Variants in DNAAF3 observed in about 807,000 individuals in gnomAD.
The protein encoded by DNAAF3 is UPF0470 protein C19orf51.
DNAAF3 carries 40 observed loss-of-function variants against 50.9 expected under a neutral mutation model. The observed-to-expected ratio is 0.79, with a 90% CI of 0.61 to 1.02. The LOEUF is 1.02. Ranked by LOEUF, DNAAF3 falls within the 50% of genes least tolerant of loss-of-function variation. DNAAF3 has a pLI of 0.00. For synonymous variants in DNAAF3, 327 were observed against 322.8 expected (o/e 1.01, Z -0.14); for missense variants, 763 against 744.7 (o/e 1.02, Z -0.29).
At chr19:55,165,558 C>G in intron 3 of DNAAF3, 95 bp from the exon 4 acceptor site, 16 of 1,232,640 alleles carry the variant, frequency 1.3e-5, no homozygotes, top group Non-Finnish European at 1.9e-5. Flanking sequence ...TCCTTCCACA[C>G]ACCCGAGTTC....
intron 10 of DNAAF3, 87 bp from the exon 11 acceptor site, chr19:55,159,694 A>T: frequency 6.3e-7 from 1 of 1,590,754 alleles, no homozygotes; most frequent in East Asian, 2.2e-5. Context: ...ATGAGGGAGG[A>T]GGGGTGGCAA....
chr19:55,161,545 G>A lies in DNAAF3; in HGVS notation c.663+98C>T. ...TCCTCCCTCAGACCCAGGAGTTCAGGCCCCCAAACCCTCCTCCCTCAGACT... is the reference window on the plus strand; with the variant it reads ...TCCTCCCTCAGACCCAGGAGTTCAGACCCCCAAACCCTCCTCCCTCAGACT... On this transcript the variant is annotated intron_variant, in intron 6 of 11. Coordinates refer to ENST00000524407, the MANE Select transcript of DNAAF3 (RefSeq NM_001256715.2). The surrounding 1 kb of genome is among the most constrained non-coding windows in gnomAD (Gnocchi z 6.4). The A allele has an allele frequency of 6.1e-6, 9 of 1,470,424 alleles. No homozygotes were observed. Among genetic ancestry groups the A allele is most frequent in the East Asian group, 2.4e-5 (1 of 41,654 alleles). 91.1% of individuals were successfully genotyped at this position (1,470,424 alleles called of 1,614,324 possible).
chr19:55,161,051 GC>G lies in DNAAF3; in HGVS notation c.912+13del. On this transcript the variant is annotated intron_variant, in intron 8 of 11. Transcript: ENST00000524407. The surrounding 1 kb of genome is among the most constrained non-coding windows in gnomAD (Gnocchi z 6.4). ...AGCCCCACCTCTACCCCCAGTCCCA[GC>G]CTCGCCGCGCACCTTGACTGGCTGG... is the stretch of plus-strand genomic sequence containing the variant. 1 of 1,535,068 alleles carries G rather than the reference GC, an allele frequency of 6.5e-7. No individual in the cohort carries two copies.
chr19:55,161,314 C>T lies in DNAAF3; in HGVS notation c.768G>A (p.Ala256=). ...GCACGTAGCTCAGGAGGCGACCGGACGCCAGGGTCCGGTTGGGCACATGAT... is the reference window on the plus strand; with the variant it reads ...GCACGTAGCTCAGGAGGCGACCGGATGCCAGGGTCCGGTTGGGCACATGAT... ...SAYHVPNRTL[A]SGRLLSYRGE... The change falls in exon 7 of 12, where the codon GCG becomes GCA. Residue 256 remains alanine, a synonymous_variant. Transcript: ENST00000524407. This position sits in a 1 kb window ranked among gnomAD's most constrained non-coding sequence, Gnocchi z 6.4. 1 of 1,610,398 alleles carries T rather than the reference C, an allele frequency of 6.2e-7. No individual in the cohort carries two copies. The highest frequency in any genetic ancestry group is 1.1e-5 in the South Asian group (1 of 90,772).
In DNAAF3 at chr19:55,166,457, C is replaced by T; in HGVS notation, c.-4-40G>A. 2 of 1,613,074 alleles carry T rather than the reference C, an allele frequency of 1.2e-6. No individual in the cohort carries two copies. Among genetic ancestry groups the T allele is most frequent in the African/African-American group, 1.3e-5 (1 of 75,012 alleles). ...TTCTGGGAATCGCACACATTGCCCG[C>T]CCCGCTCCCCTCTCACCGCCCCTCA... On this transcript the variant is annotated intron_variant, in intron 1 of 11. Transcript: ENST00000524407. The surrounding 1 kb of genome is among the most constrained non-coding windows in gnomAD (Gnocchi z 4.0).
Position 55,166,587 on chromosome 19 carries a change from G to C in DNAAF3, c.-69C>G, listed in dbSNP as rs772986651. ...GCTCAGTGCAGCACTGTGGACCCGC[G>C]GCACTCCACAACCGCTGCCCAGAGT... On this transcript the variant is annotated 5_prime_UTR_variant, in exon 1 of 12. Transcript: ENST00000524407. This position sits in a 1 kb window ranked among gnomAD's most constrained non-coding sequence, Gnocchi z 4.0. 8 of 1,614,148 alleles carry C rather than the reference G, an allele frequency of 5.0e-6. No homozygotes were observed. The highest frequency in any genetic ancestry group is 2.2e-5 in the East Asian group (1 of 44,884).
At chr19:55,165,019 C>CTT (rs1375555786) in intron 4 of DNAAF3, among the ~76,000 whole-genome samples, 1 of 126,926 alleles carries the variant, frequency 7.9e-6, no homozygotes, top group Non-Finnish European at 1.6e-5. Context: ...GAGTTTCGCT[C>CTT]TCTTTTTTTT....
chr19:55,165,899 T>C lies in DNAAF3; in HGVS notation c.187A>G (p.Thr63Ala). ...GSVDGRHLLR[T>A]LSRAKFWPRR... ...GGCCAGAACTTCGCTCGGGACAGGG[T>C]CCGCAGCAGGTGCCGTCCATCCACA... The change falls in exon 3 of 12, where the codon ACC becomes GCC. Residue 63 changes from threonine to alanine, a missense_variant. Physicochemically the swap from Thr to Ala is moderately conservative, Grantham distance 58. Transcript: ENST00000524407. 1 of 1,614,072 alleles carries C rather than the reference T, an allele frequency of 6.2e-7. No homozygotes were observed. Among genetic ancestry groups the C allele is most frequent in the South Asian group, 1.1e-5 (1 of 91,078 alleles).
Position 55,163,155 on chromosome 19 carries a change from G to A in DNAAF3, c.323-865C>T, listed in dbSNP as rs2085872818. 3.3e-5 allele frequency among the ~76,000 whole-genome samples: 5 copies of A among 151,212 alleles called. No individual in the cohort carries two copies. The South Asian group carries it at 8.3e-4, about 25-fold the overall frequency. ...CTCCGGAGTAGCTGGGACTACAAGCGCCCGCCACCACACCCGGCTAATTTT... is the reference window on the plus strand; with the variant it reads ...CTCCGGAGTAGCTGGGACTACAAGCACCCGCCACCACACCCGGCTAATTTT... On this transcript the variant is annotated intron_variant, in intron 4 of 11. Transcript: ENST00000524407.
chr19:55,165,765 C>T, intron 3 of DNAAF3, 93 bp downstream of exon 3: 2 of 1,536,818 alleles, frequency 1.3e-6, no homozygotes, highest in East Asian at 2.4e-5. Context: ...GAGTCTCCAG[C>T]CCCTTCATTC....
chr19:55,165,267 A>G, intron 4 of DNAAF3, 103 bp downstream of exon 4: 2 of 1,170,166 alleles, frequency 1.7e-6, no homozygotes, highest in East Asian at 2.4e-5. Context: ...TCCGCCTCCC[A>G]GGAAAATAAC....
At position 55,165,858 on chromosome 19, in the gene DNAAF3, G is replaced by A. The variant is rs563713249; in HGVS notation, c.228C>T (p.Asn76=). ...RAKFWPRRRF[N]FFVLENNLEA... ...GGCTCTCATCTTCATCCCAGCTCACGTTGAACCTCCTGCGAGGCCAGAACT... is the reference window on the plus strand; with the variant it reads ...GGCTCTCATCTTCATCCCAGCTCACATTGAACCTCCTGCGAGGCCAGAACT... The change falls in exon 3 of 12, where the codon AAC becomes AAT. Residue 76 remains asparagine (N), a splice_region_variant and synonymous_variant. Transcript: ENST00000524407. 10 of 1,613,844 alleles carry A rather than the reference G, an allele frequency of 6.2e-6. No individual in the cohort carries two copies. The highest frequency in any genetic ancestry group is 2.2e-5 in the East Asian group (1 of 44,876).
chr19:55,166,679 A>G (rs373578909), upstream of DNAAF3: 371 of 1,596,608 alleles, frequency 2.3e-4, 2 homozygotes, highest in Middle Eastern at 8.8e-3. This position sits in a 1 kb window ranked among gnomAD's most constrained non-coding sequence, Gnocchi z 4.0. Flanking sequence ...GCAACTGACC[A>G]ATGAGAGTGA....
chr19:55,165,759 C>T, intron 3 of DNAAF3, 99 bp downstream of exon 3: 1 of 1,532,236 alleles, frequency 6.5e-7, no homozygotes, highest in Non-Finnish European at 8.8e-7. Context: ...ATCTAGGAGT[C>T]TCCAGCCCCT....
In DNAAF3 at chr19:55,160,539, C is replaced by T. The variant is rs1412446154; in HGVS notation, c.1048+101G>A. On this transcript the variant is annotated intron_variant, in intron 9 of 11. Coordinates refer to ENST00000524407, the MANE Select transcript of DNAAF3 (RefSeq NM_001256715.2). This position sits in a 1 kb window ranked among gnomAD's most constrained non-coding sequence, Gnocchi z 4.7. ...AAAAAGAGACAGAATATCAAGAAGCCGTCACTTGCCCAGGCATTCCAAATC... is the reference window on the plus strand; with the variant it reads ...AAAAAGAGACAGAATATCAAGAAGCTGTCACTTGCCCAGGCATTCCAAATC... The T allele has an allele frequency of 2.6e-6, 4 of 1,562,870 alleles. No homozygotes were observed. The highest frequency in any genetic ancestry group is 2.0e-5 in the Admixed American group (1 of 50,140).
In DNAAF3 at chr19:55,161,093, A is replaced by G; in HGVS notation, c.884T>C (p.Leu295Pro). The G allele has an allele frequency of 1.9e-6, 3 of 1,543,084 alleles. No individual in the cohort carries two copies. Among genetic ancestry groups the G allele is most frequent in the Non-Finnish European group, 2.6e-6 (3 of 1,146,306 alleles). The change falls in exon 8 of 12, where the codon CTG becomes CCG. Residue 295 changes from leucine (L) to proline (P), a missense_variant. By Grantham distance (98) the Leu-to-Pro change is moderately conservative. Transcript: ENST00000524407. This position sits in a 1 kb window ranked among gnomAD's most constrained non-coding sequence, Gnocchi z 6.4. Reference protein sequence around the residue: ...FGIEADDESLLRTSNGQPVKT... With the variant: ...FGIEADDESLPRTSNGQPVKT... ...GACTGGCTGGCCGTTGCTCGTCCGC[A>G]GGAGGCTCTCGTCGTCCGCTTCGAT...
At position 55,161,416 on chromosome 19, in the gene DNAAF3, A is replaced by G. The variant is rs7260320; in HGVS notation, c.666T>C (p.Ala222=). Residue 222 remains alanine (A), a splice_region_variant and synonymous_variant, in exon 7 of 12, where the codon GCT becomes GCC. Transcript: ENST00000524407. The surrounding 1 kb of genome is among the most constrained non-coding windows in gnomAD (Gnocchi z 6.4). ...GGAACTCCTGGGGGTGAATGACTTGAGCCTGGGGTGGGGGGCGGGAAGAAG... is the reference window on the plus strand; with the variant it reads ...GGAACTCCTGGGGGTGAATGACTTGGGCCTGGGGTGGGGGGCGGGAAGAAG... The part of the protein sequence containing the change: ...DLRMKLHDRG[A]QVIHPQEFRR... 0.34 allele frequency: 252,131 copies of G among 750,756 alleles called. 25,479 individuals are homozygous for G. Among genetic ancestry groups the G allele is most frequent in the African/African-American group, 0.56 (34,228 of 61,494 alleles). The allele number at this position is 750,756 out of a possible 1,614,324, so 46.5% of individuals were successfully genotyped here. A position where few individuals can be genotyped will look rare whatever the true frequency, so the allele number is the denominator to read the frequency against.
rs1683461819 is a variant in DNAAF3, at chr19:55,160,561, A to G, written c.1048+79T>C. Reference sequence around the variant, plus strand: ...AGCCGTCACTTGCCCAGGCATTCCAAATCATGTCAGTCCACACTCCAGTGT... The same window carrying G: ...AGCCGTCACTTGCCCAGGCATTCCAGATCATGTCAGTCCACACTCCAGTGT... On this transcript the variant is annotated intron_variant, in intron 9 of 11. Transcript: ENST00000524407. This position sits in a 1 kb window ranked among gnomAD's most constrained non-coding sequence, Gnocchi z 4.7. 4 of 1,600,058 alleles carry G rather than the reference A, an allele frequency of 2.5e-6. No individual in the cohort carries two copies. Among genetic ancestry groups the G allele is most frequent in the Non-Finnish European group, 3.4e-6 (4 of 1,175,980 alleles).
In DNAAF3 at chr19:55,160,050, C is replaced by T. The variant is rs201303329; in HGVS notation, c.1049-37G>A. On this transcript the variant is annotated intron_variant, in intron 9 of 11. Coordinates refer to ENST00000524407, the MANE Select transcript of DNAAF3 (RefSeq NM_001256715.2). The surrounding 1 kb of genome is among the most constrained non-coding windows in gnomAD (Gnocchi z 4.7). ...GGATAGAGGGGTCACCTCTGACAGG[C>T]GGAGCCATAAGGGCGGAAAACCAGA... 2.7e-5 allele frequency: 39 copies of T among 1,454,540 alleles called. No individual in the cohort carries two copies. Among genetic ancestry groups the T allele is most frequent in the African/African-American group, 7.0e-5 (5 of 71,144 alleles). The allele number at this position is 1,454,540 out of a possible 1,614,324, so 90.1% of individuals were successfully genotyped here. A position where few individuals can be genotyped will look rare whatever the true frequency, so the allele number is the denominator to read the frequency against.
Sources: allele counts gnomAD v4.1 joint callset (sites outside exome capture counted in the v4.1 genomes callset), GRCh38; gene constraint gnomAD v4.1.1; non-coding constraint Gnocchi (gnomAD v3.1); transcripts MANE v1.5; gene names NCBI Gene and HGNC (gene_info 2026-07-23, HGNC 2026-07-21).